KLF16: variants seen among roughly 807,000 people sequenced by gnomAD.
The protein encoded by KLF16 is Krueppel-like factor 16.
A neutral mutation model predicts 6.1 loss-of-function variants in KLF16; 6 were observed. That is an observed-to-expected ratio of 0.98 (90% CI 0.54 to 1.93). The LOEUF is 1.93. Among genes scored for constraint, KLF16 ranks in the 30% most tolerant of loss-of-function variants. KLF16 has a pLI of 0.01. For synonymous variants in KLF16, 211 were observed against 176.5 expected (o/e 1.20, Z -1.55); for missense variants, 355 against 363.8 (o/e 0.98, Z 0.20).
the KLF16 span, among the ~76,000 whole-genome samples, chr19:1,871,332 C>T: frequency 6.6e-6 from 1 of 152,148 alleles, no homozygotes; most frequent in African/African-American, 2.4e-5. Flanking sequence ...AGGGCCGTAG[C>T]AGGAGGGACT....
intron 1 of KLF16, among the ~76,000 whole-genome samples, chr19:1,858,758 A>C (rs1017519609): frequency 6.6e-6 from 1 of 151,738 alleles, no homozygotes; most frequent in Non-Finnish European, 1.5e-5. Context: ...CCTGCACCAG[A>C]CTCTGGGTAC....
At chr19:1,855,472 G>GC (rs1475607122) in intron 1 of KLF16, among the ~76,000 whole-genome samples, 1 of 152,066 alleles carries the variant, frequency 6.6e-6, no homozygotes, top group Non-Finnish European at 1.5e-5. Flanking sequence ...GGCTGGACTC[G>GC]CCCCACCCCC....
chr19:1,864,116 C>A (rs1599197356), upstream of KLF16, among the ~76,000 whole-genome samples: 2 of 148,756 alleles, frequency 1.3e-5, no homozygotes, highest in East Asian at 2.0e-4. Context: ...GCGCCCACCC[C>A]ACGCCGGGGC....
upstream of KLF16, among the ~76,000 whole-genome samples, chr19:1,864,888 G>T (rs1229971591): frequency 1.3e-5 from 2 of 152,210 alleles, no homozygotes; most frequent in Non-Finnish European, 2.9e-5. Context: ...GGGCGGCGGG[G>T]ACTGCGCAGT....
the KLF16 span, among the ~76,000 whole-genome samples, chr19:1,872,891 G>A: frequency 4.6e-5 from 7 of 152,046 alleles, no homozygotes; most frequent in South Asian, 2.1e-4. Flanking sequence ...CCCCTGGGCC[G>A]CTCTGATACC....
the KLF16 span, among the ~76,000 whole-genome samples, chr19:1,872,417 C>T: frequency 6.6e-6 from 1 of 152,230 alleles, no homozygotes; most frequent in Non-Finnish European, 1.5e-5. Context: ...AGGCGTGAGC[C>T]ACCGCGCCCA....
In KLF16 at chr19:1,854,611, C is replaced by A; in HGVS notation, c.607G>T (p.Ala203Ser). The change falls in exon 2 of 2, where the codon GCC becomes TCC. Residue 203 changes from alanine (A) to serine (S), a missense_variant. Ala to Ser is a moderately conservative substitution (Grantham distance 99). Coordinates refer to ENST00000250916, the MANE Select transcript of KLF16 (RefSeq NM_031918.4). ...SKRFTRSDHL[A>S]KHARRHPGFH... ...CCGGGGTGGCGGCGGGCGTGCTTGG[C>A]CAGGTGGTCACTGCGGGTGAAGCGC... The A allele has an allele frequency of 6.3e-7, 1 of 1,596,920 alleles. No individual in the cohort carries two copies. The highest frequency in any genetic ancestry group is 8.5e-7 in the Non-Finnish European group (1 of 1,178,566).
chr19:1,873,348 C>A, the KLF16 span, among the ~76,000 whole-genome samples: 1 of 152,292 alleles, frequency 6.6e-6, no homozygotes, highest in African/African-American at 2.4e-5. Flanking sequence ...CAGACCTGAC[C>A]CACTGGAAGG....
chr19:1,863,090 T>C lies in KLF16; in HGVS notation c.408A>G (p.Lys136=), dbSNP rs920837239. The change falls in exon 1 of 2, where the codon AAA becomes AAG. Residue 136 remains lysine, a synonymous_variant. Transcript: ENST00000250916. ...TTAGGTGCGAGGACTTGTAGTAGGC[T>C]TTGGCGCAGTCCGGGAAGGGACAGC... ...SHRCPFPDCA[K]AYYKSSHLKS... 1.4e-6 allele frequency: 2 copies of C among 1,404,436 alleles called. No homozygotes were observed. The highest frequency in any genetic ancestry group is 9.4e-7 in the Non-Finnish European group (1 of 1,060,558). 87.0% of individuals were successfully genotyped at this position (1,404,436 alleles called of 1,614,324 possible). A position where few individuals can be genotyped will look rare whatever the true frequency, so the allele number is the denominator to read the frequency against.
At position 1,854,527 on chromosome 19, in the gene KLF16, G is replaced by GC. The variant is rs1335336937; in HGVS notation, c.690dup (p.Leu231AlafsTer31). On this transcript the variant is annotated frameshift_variant, in exon 2 of 2. Coordinates refer to ENST00000250916, the MANE Select transcript of KLF16 (RefSeq NM_031918.4). LOFTEE classifies it low-confidence loss of function (END_TRUNC). ...GGGCTCCCGGCCAGGCTGCAGGGCAGCGAGTCGCTGGGGGAGGTACTGCGG... is the reference window on the plus strand; with the variant it reads ...GGGCTCCCGGCCAGGCTGCAGGGCAGCCGAGTCGCTGGGGGAGGTACTGCGG... 1.3e-6 allele frequency: 2 copies of GC among 1,520,274 alleles called. No homozygotes were observed. The highest frequency in any genetic ancestry group is 2.4e-5 in the South Asian group (2 of 82,208). The allele number at this position is 1,520,274 out of a possible 1,614,324, so 94.2% of individuals were successfully genotyped here.
intron 1 of KLF16, 29 bp from the exon 2 acceptor site, chr19:1,854,789 G>C: frequency 6.3e-7 from 1 of 1,594,568 alleles, no homozygotes. Context: ...ACAGACAGCG[G>C]GTCAGCGGGG....
At chr19:1,856,139 G>A (rs994222625) in intron 1 of KLF16, among the ~76,000 whole-genome samples, 2 of 152,166 alleles carry the variant, frequency 1.3e-5, no homozygotes, top group African/African-American at 2.4e-5. Context: ...AGCCAGCCAG[G>A]GGCCTAGAAG....
intron 1 of KLF16, among the ~76,000 whole-genome samples, chr19:1,855,120 G>C (rs1222655115): frequency 1.3e-5 from 2 of 152,138 alleles, no homozygotes; most frequent in Non-Finnish European, 2.9e-5. Context: ...ATTAGCAAAG[G>C]CCTCCCAGTG....
chr19:1,863,521 G>C lies in KLF16; in HGVS notation c.-24C>G. The C allele has an allele frequency of 1.0e-6, 1 of 979,538 alleles. No homozygotes were observed. Among genetic ancestry groups the C allele is most frequent in the Middle Eastern group, 5.1e-4 (1 of 1,952 alleles). 60.7% of individuals were successfully genotyped at this position (979,538 alleles called of 1,614,324 possible). A position where few individuals can be genotyped will look rare whatever the true frequency, so the allele number is the denominator to read the frequency against. ...ATGCCGAGCAAGGGCGCGCGGCGCGGCGGGCGGAGCGGAGGCGGCGGGAGC... is the reference window on the plus strand; with the variant it reads ...ATGCCGAGCAAGGGCGCGCGGCGCGCCGGGCGGAGCGGAGGCGGCGGGAGC... On this transcript the variant is annotated 5_prime_UTR_variant, in exon 1 of 2. Coordinates refer to ENST00000250916, the MANE Select transcript of KLF16 (RefSeq NM_031918.4).
In KLF16 at chr19:1,854,778, G is replaced by C. The variant is rs370600630; in HGVS notation, c.458-18C>G. 8.1e-6 allele frequency: 13 copies of C among 1,596,658 alleles called. No individual in the cohort carries two copies. The highest frequency in any genetic ancestry group is 1.3e-5 in the African/African-American group (1 of 74,624). On this transcript the variant is annotated intron_variant, in intron 1 of 1. Transcript: ENST00000250916. The stretch of plus-strand genomic sequence containing the variant: ...GCGTTCCCCTGGACGGAGAGACAGA[G>C]ACAGACAGCGGGTCAGCGGGGGCGG...
upstream of KLF16, among the ~76,000 whole-genome samples, chr19:1,868,025 G>C (rs1198874227): frequency 6.6e-6 from 1 of 151,804 alleles, no homozygotes; most frequent in African/African-American, 2.4e-5. Context: ...TCTTTGCTTT[G>C]TGATAGTTTT....
intron 1 of KLF16, among the ~76,000 whole-genome samples, chr19:1,856,342 C>A (rs112775081): frequency 6.6e-6 from 1 of 152,280 alleles, no homozygotes; most frequent in Non-Finnish European, 1.5e-5. Context: ...CCAAGAAGAG[C>A]TGGAAGAAAA....
At chr19:1,863,596 G>A (rs1240937333), upstream of KLF16, 1 of 408,802 alleles carries the variant, frequency 2.4e-6, no homozygotes, top group Non-Finnish European at 3.3e-6. Context: ...GGCGGAGGAG[G>A]AGGAGGAGGA....
In KLF16 at chr19:1,863,396, G is replaced by T. The variant is rs1308068686; in HGVS notation, c.102C>A (p.Gly34=). 1.0e-6 allele frequency: 1 copy of T among 985,984 alleles called. No homozygotes were observed. The highest frequency in any genetic ancestry group is 1.2e-6 in the Non-Finnish European group (1 of 832,510). 61.1% of individuals were successfully genotyped at this position (985,984 alleles called of 1,614,324 possible). The change falls in exon 1 of 2, where the codon GGC becomes GGA. Residue 34 remains glycine (G), a synonymous_variant. Coordinates refer to ENST00000250916, the MANE Select transcript of KLF16 (RefSeq NM_031918.4). ...CATCCAGGCCGGCGGCGGGGCCCGC[G>T]CCCTCGGGGCCGGGCCGCCCGCGGT... is the stretch of plus-strand genomic sequence containing the variant. ...VVHRGRPGPE[G]AGPAAGLDVR...
Sources: gnomAD v4.1 joint callset for allele counts (sites outside exome capture counted in the v4.1 genomes callset) on GRCh38, gnomAD v4.1.1 for gene constraint, MANE v1.5 for transcripts, NCBI Gene and HGNC (gene_info 2026-07-23, HGNC 2026-07-21) for gene names.